ART3: variants seen among roughly 807,000 people sequenced by gnomAD.
ART3 encodes ADP-ribosyltransferase 3 (inactive), also known as ecto-ADP-ribosyltransferase 3.
A neutral mutation model predicts 48.5 loss-of-function variants in ART3; 49 were observed. The ratio of observed to expected loss-of-function variants is 1.01; its 90% CI spans 0.80 to 1.28. The LOEUF (loss-of-function observed/expected upper bound fraction) is 1.28. ART3 is among the 50% of genes most tolerant of loss of function. ART3 has a pLI of 0.00. For missense variants in ART3, 438 were observed against 454.3 expected (o/e 0.96, Z 0.33); for synonymous variants, 145 against 157.2 (o/e 0.92, Z 0.58).
intron 2 of ART3, among the ~76,000 whole-genome samples, chr4:76,078,650 AACT>A (rs1417463838): frequency 2.4e-5 from 1 of 41,572 alleles, no homozygotes; most frequent in East Asian, 3.2e-4. Flanking sequence ...AAATGGTGTT[AACT>A]ATTTTTTGTT....
At chr4:76,018,058 A>G (rs1732421734) in intron 1 of ART3, among the ~76,000 whole-genome samples, 1 of 152,266 alleles carries the variant, frequency 6.6e-6, no homozygotes, top group Non-Finnish European at 1.5e-5. Context: ...AAGAACTTCA[A>G]ATAGAACTAC....
At chr4:76,034,343 C>T (rs532244359) in intron 1 of ART3, 5 of 405,420 alleles carry the variant, frequency 1.2e-5, no homozygotes, top group African/African-American at 8.2e-5. Flanking sequence ...AGTAATATAG[C>T]ATAAAGATCA....
At chr4:76,098,233 T>C (rs567640851) in intron 4 of ART3, among the ~76,000 whole-genome samples, 27 of 150,504 alleles carry the variant, frequency 1.8e-4, no homozygotes, top group African/African-American at 6.3e-4. Context: ...CTTAGAGGAC[T>C]ATGGGAAAGA....
At chr4:76,095,437 GGCGGA>G (rs1393266425) in intron 3 of ART3, among the ~76,000 whole-genome samples, 1 of 152,162 alleles carries the variant, frequency 6.6e-6, no homozygotes, top group African/African-American at 2.4e-5. Flanking sequence ...GAACCCAGGA[GGCGGA>G]GGTTGCAGTG....
intron 1 of ART3, among the ~76,000 whole-genome samples, chr4:76,066,304 G>A (rs528881268): frequency 2.6e-4 from 40 of 152,230 alleles, no homozygotes; most frequent in African/African-American, 9.1e-4. Flanking sequence ...GCAGACAAAT[G>A]AAGGGTGAGG....
intron 1 of ART3, among the ~76,000 whole-genome samples, chr4:76,035,727 G>T (rs1055721684): frequency 1.3e-5 from 2 of 152,164 alleles, no homozygotes; most frequent in Non-Finnish European, 2.9e-5. Flanking sequence ...AAAATTCCAT[G>T]AAGTTCATAA....
chr4:76,016,723 C>T (rs1052615313), intron 1 of ART3, among the ~76,000 whole-genome samples: 1 of 152,154 alleles, frequency 6.6e-6, no homozygotes, highest in African/African-American at 2.4e-5. Context: ...GGACTGGAGT[C>T]AAAAACCTTA....
At chr4:76,043,602 G>A (rs181080802) in intron 1 of ART3, among the ~76,000 whole-genome samples, 1,977 of 152,214 alleles carry the variant, frequency 0.013, 53 homozygotes, top group Admixed American at 0.05. Flanking sequence ...CCAAGCCCAC[G>A]CCCACCCAGA....
rs148436147 is a variant in ART3 at position 76,068,597 on chromosome 4, G to C, written c.-9-7284G>C. ...ATCATGAGAACACATGGACACAAAG[G>C]GGGGACCAACAGGCAGTGGGGCCTA... On this transcript the variant is annotated intron_variant, in intron 1 of 9. Coordinates refer to the ART3 transcript ENST00000341029. Among the ~76,000 whole-genome samples, 335 of 152,174 alleles carry C rather than the reference G, an allele frequency of 2.2e-3. 2 individuals carry two copies. Among genetic ancestry groups the C allele is most frequent in the African/African-American group, 7.9e-3 (326 of 41,502 alleles).
intron 1 of ART3, among the ~76,000 whole-genome samples, chr4:76,048,101 G>A (rs1318993285): frequency 2.0e-5 from 3 of 151,922 alleles, no homozygotes; most frequent in Non-Finnish European, 4.4e-5. Context: ...GAGATTAGAG[G>A]AGGATTATCA....
intron 2 of ART3, among the ~76,000 whole-genome samples, chr4:76,078,132 C>T (rs970591107): frequency 6.6e-6 from 1 of 151,196 alleles, no homozygotes; most frequent in African/African-American, 2.4e-5. Context: ...GTTCACCTAG[C>T]CTTTTGTACC....
intron 1 of ART3, among the ~76,000 whole-genome samples, chr4:76,057,148 G>A (rs1476447876): frequency 6.6e-6 from 1 of 152,048 alleles, no homozygotes; most frequent in Non-Finnish European, 1.5e-5. Flanking sequence ...TGTTGTATCA[G>A]GGTTCATAAT....
chr4:76,036,779 T>C (rs551716875), intron 1 of ART3: 16 of 252,132 alleles, frequency 6.3e-5, no homozygotes, highest in South Asian at 5.2e-4. Context: ...GCTTTCCTCA[T>C]GGCAGCCAGG....
At chr4:76,059,555 T>C (rs1719004287) in intron 1 of ART3, among the ~76,000 whole-genome samples, 1 of 151,972 alleles carries the variant, frequency 6.6e-6, no homozygotes, top group South Asian at 2.1e-4. Context: ...TAAAAAAAAC[T>C]GTAATTAAGT....
chr4:76,060,226 T>C (rs549970171), intron 1 of ART3, among the ~76,000 whole-genome samples: 2 of 152,324 alleles, frequency 1.3e-5, no homozygotes, highest in South Asian at 4.1e-4. Flanking sequence ...TTTTGGAACA[T>C]AATACTGTTG....
chr4:76,057,354 A>C (rs910097222), intron 1 of ART3, among the ~76,000 whole-genome samples: 3 of 152,198 alleles, frequency 2.0e-5, no homozygotes, highest in African/African-American at 7.2e-5. Context: ...TTTAGTTAAC[A>C]ATATTCCAAT....
At chr4:76,050,824 A>G (rs925111000) in intron 1 of ART3, among the ~76,000 whole-genome samples, 8 of 152,314 alleles carry the variant, frequency 5.3e-5, no homozygotes, top group African/African-American at 1.7e-4. Context: ...CTAAGGCCCG[A>G]TGAGAAATGG....
At chr4:76,072,367 A>C (rs1199926705), upstream of ART3, among the ~76,000 whole-genome samples, 1 of 152,146 alleles carries the variant, frequency 6.6e-6, no homozygotes, top group Non-Finnish European at 1.5e-5. Flanking sequence ...AGGCTCAAAT[A>C]AAAATGGCCT....
chr4:76,109,266 C>T, intron 11 of ART3, among the ~76,000 whole-genome samples: 1 of 150,580 alleles, frequency 6.6e-6, no homozygotes, highest in East Asian at 1.9e-4. Flanking sequence ...ACTTTTTAAA[C>T]TTTTGTTAAC....
Sources: gnomAD v4.1 joint callset for allele counts (sites outside exome capture counted in the v4.1 genomes callset) on GRCh38, gnomAD v4.1.1 for gene constraint, MANE v1.5 for transcripts, NCBI Gene and HGNC (gene_info 2026-07-23, HGNC 2026-07-21) for gene names.